The following B3GALT1 variants were observed in gnomAD, a reference collection of about 807,000 sequenced individuals.
B3GALT1 encodes the protein beta-1,3-galactosyltransferase 1.
In B3GALT1, 10 loss-of-function variants were observed where a neutral mutation model predicts 23.2. The ratio of observed to expected loss-of-function variants is 0.43; its 90% CI spans 0.27 to 0.73. The LOEUF is 0.73. Among genes scored for constraint, B3GALT1 ranks in the 30% least tolerant of loss-of-function variants. The pLI is 0.21. For missense variants in B3GALT1, 299 were observed against 405.4 expected, an observed-to-expected ratio of 0.74 and a Z score of 2.25; for synonymous variants, 156 against 141.5, an observed-to-expected ratio of 1.10 and a Z score of -0.73.
At chr2:167,854,496 A>G (rs1316999704) in intron 4 of B3GALT1, among the ~76,000 whole-genome samples, 1 of 152,178 alleles carries the variant, frequency 6.6e-6, no homozygotes, top group Non-Finnish European at 1.5e-5. Context: ...TCACATTTGG[A>G]GGCTACAAAT....
chr2:167,756,081 A>G (rs902856382), intron 3 of B3GALT1, among the ~76,000 whole-genome samples: 2 of 152,192 alleles, frequency 1.3e-5, no homozygotes, highest in Non-Finnish European at 2.9e-5. Flanking sequence ...TGAACATAAA[A>G]GGGAAATATT....
intron 2 of B3GALT1, among the ~76,000 whole-genome samples, chr2:167,630,280 C>T (rs769949446): frequency 6.6e-6 from 1 of 151,706 alleles, no homozygotes; most frequent in Non-Finnish European, 1.5e-5. Context: ...GAGGAAACAA[C>T]CAAACAGGGT....
intron 3 of B3GALT1, among the ~76,000 whole-genome samples, chr2:167,721,486 T>C (rs542591902): frequency 1.2e-4 from 18 of 152,204 alleles, no homozygotes; most frequent in East Asian, 7.7e-4. Context: ...AAATGCCAGA[T>C]GTATCTTAAG....
chr2:167,574,463 T>G (rs908410023), intron 2 of B3GALT1, among the ~76,000 whole-genome samples: 11 of 151,694 alleles, frequency 7.3e-5, no homozygotes, highest in African/African-American at 2.7e-4. Flanking sequence ...TTGGGAAACA[T>G]GAGGATCGCC....
chr2:167,527,460 GA>G (rs200959335), intron 2 of B3GALT1, among the ~76,000 whole-genome samples: 3 of 126,698 alleles, frequency 2.4e-5, no homozygotes, highest in Non-Finnish European at 3.3e-5. Flanking sequence ...TTATAGAAAT[GA>G]AAAAAAGCAA....
chr2:167,853,546 T>C (rs1221937171), intron 4 of B3GALT1, among the ~76,000 whole-genome samples: 1 of 152,166 alleles, frequency 6.6e-6, no homozygotes, highest in Non-Finnish European at 1.5e-5. Flanking sequence ...GAAATTTGCA[T>C]TTTCATTTGT....
intron 1 of B3GALT1, among the ~76,000 whole-genome samples, chr2:167,409,010 A>C (rs1002285714): frequency 6.6e-6 from 1 of 152,200 alleles, no homozygotes. Context: ...TTACAGAAAT[A>C]GAAAAAGAAA....
intron 1 of B3GALT1, among the ~76,000 whole-genome samples, chr2:167,359,563 A>G (rs1424067342): frequency 6.6e-6 from 1 of 152,212 alleles, no homozygotes; most frequent in Non-Finnish European, 1.5e-5. Flanking sequence ...ACATCACAGT[A>G]CTACCTATGG....
intron 4 of B3GALT1, among the ~76,000 whole-genome samples, chr2:167,866,212 T>C (rs528037002): frequency 6.6e-6 from 1 of 151,754 alleles, no homozygotes; most frequent in Non-Finnish European, 1.5e-5. Context: ...GGTGGAGGAG[T>C]GAGATTCACG....
chr2:167,517,927 G>A (rs1416858874), intron 2 of B3GALT1, among the ~76,000 whole-genome samples: 1 of 151,974 alleles, frequency 6.6e-6, no homozygotes, highest in Non-Finnish European at 1.5e-5. Flanking sequence ...TGCCACTCAA[G>A]TCTATAAAAA....
chr2:167,615,753 T>A (rs1443224377), intron 2 of B3GALT1, among the ~76,000 whole-genome samples: 2 of 152,108 alleles, frequency 1.3e-5, no homozygotes, highest in East Asian at 3.9e-4. Context: ...TTATGTAGTG[T>A]TTAGCACGTG....
At chr2:167,503,212 A>G (rs980059692) in intron 2 of B3GALT1, among the ~76,000 whole-genome samples, 1 of 152,126 alleles carries the variant, frequency 6.6e-6, no homozygotes, top group African/African-American at 2.4e-5. Context: ...TTTCTACCCA[A>G]TCATGGACTC....
chr2:167,553,009 C>T (rs534147031), intron 2 of B3GALT1, among the ~76,000 whole-genome samples: 3 of 152,092 alleles, frequency 2.0e-5, no homozygotes, highest in South Asian at 4.2e-4. Context: ...TACACATCTT[C>T]GGGGGGTACT....
chr2:167,755,032 G>T (rs954123128), intron 3 of B3GALT1, among the ~76,000 whole-genome samples: 1 of 152,128 alleles, frequency 6.6e-6, no homozygotes, highest in Non-Finnish European at 1.5e-5. Context: ...ATGTTGTAGG[G>T]GGCGGGGTGA....
chr2:167,777,572 T>TCCTGAC (rs1688181663), intron 3 of B3GALT1, among the ~76,000 whole-genome samples: 2 of 152,306 alleles, frequency 1.3e-5, no homozygotes, highest in South Asian at 4.1e-4. Flanking sequence ...GGTCTCAAAC[T>TCCTGAC]CCTGACCTCA....
intron 2 of B3GALT1, among the ~76,000 whole-genome samples, chr2:167,599,563 G>T (rs190238925): frequency 4.5e-4 from 69 of 152,298 alleles, no homozygotes; most frequent in Non-Finnish European, 8.5e-4. Context: ...AGAAAGCTGT[G>T]ATTTTTGTGG....
At chr2:167,454,956 C>T (rs908363611) in intron 1 of B3GALT1, among the ~76,000 whole-genome samples, 3 of 152,156 alleles carry the variant, frequency 2.0e-5, no homozygotes, top group African/African-American at 7.2e-5. Flanking sequence ...CATTTCTGTG[C>T]CTGGGATCCA....
intron 3 of B3GALT1, among the ~76,000 whole-genome samples, chr2:167,767,429 A>G (rs1355030374): frequency 6.6e-6 from 1 of 152,122 alleles, no homozygotes; most frequent in Non-Finnish European, 1.5e-5. Flanking sequence ...CACAAATTTG[A>G]TGTTGTTTCT....
At chr2:167,706,107 C>T (rs563188155) in intron 3 of B3GALT1, among the ~76,000 whole-genome samples, 29 of 152,268 alleles carry the variant, frequency 1.9e-4, no homozygotes, top group African/African-American at 6.3e-4. Context: ...GCTCTCTATA[C>T]GGAAGCTACT....
Sources: allele counts gnomAD v4.1 joint callset (sites outside exome capture counted in the v4.1 genomes callset), GRCh38; gene constraint gnomAD v4.1.1; transcripts MANE v1.5; gene names NCBI Gene and HGNC (gene_info 2026-07-23, HGNC 2026-07-21).